Variants in ST8SIA2 observed in about 807,000 individuals in gnomAD.
ST8SIA2 encodes the protein ST8 alpha-N-acetyl-neuraminide alpha-2,8-sialyltransferase 2.
A neutral mutation model predicts 37.6 loss-of-function variants in ST8SIA2; 22 were observed. That is an observed-to-expected ratio of 0.58 (90% confidence interval 0.42 to 0.83). The LOEUF (loss-of-function observed/expected upper bound fraction) is 0.83, where lower values mean the gene tolerates loss of function less well. ST8SIA2 is among the 40% of genes least tolerant of loss of function. ST8SIA2 has a pLI of 0.00. For missense variants in ST8SIA2, 382 were observed against 484.7 expected, an observed-to-expected ratio of 0.79 and a Z score of 1.99; for synonymous variants, 205 against 201.2, an observed-to-expected ratio of 1.02 and a Z score of -0.16.
At chr15:92,405,384 T>G (rs1282078545) in intron 1 of ST8SIA2, among the ~76,000 whole-genome samples, 3 of 152,082 alleles carry the variant, frequency 2.0e-5, no homozygotes, top group African/African-American at 7.2e-5. Context: ...ATGAAAAGAG[T>G]TCAGCAGACG....
intron 1 of ST8SIA2, among the ~76,000 whole-genome samples, chr15:92,409,535 T>C (rs1177011133): frequency 6.6e-6 from 1 of 152,190 alleles, no homozygotes; most frequent in Non-Finnish European, 1.5e-5. Flanking sequence ...CTTTTTTCAT[T>C]TTCCGCTCGA....
intron 5 of ST8SIA2, among the ~76,000 whole-genome samples, chr15:92,457,429 G>T (rs1260682742): frequency 6.6e-6 from 1 of 152,166 alleles, no homozygotes; most frequent in Non-Finnish European, 1.5e-5. Context: ...TAATTGTCAT[G>T]GCATTTGGGG....
chr15:92,405,527 C>T lies in ST8SIA2; in HGVS notation c.98+11365C>T, dbSNP rs202232403. ...TTGAAACACACACGCGCGCAAGCAG[C>T]CAGAAGAGTGCCTGGCAGGTGCTCG... On this transcript the variant is annotated intron_variant, in intron 1 of 5. Coordinates refer to ENST00000268164, the MANE Select transcript of ST8SIA2 (RefSeq NM_006011.4). 3.3e-5 allele frequency among the ~76,000 whole-genome samples: 5 copies of T among 152,240 alleles called. No homozygotes were observed. The East Asian group carries it at 9.6e-4, about 29-fold the overall frequency.
intron 5 of ST8SIA2, among the ~76,000 whole-genome samples, chr15:92,450,567 G>A (rs369069407): frequency 5.9e-5 from 9 of 152,272 alleles, no homozygotes; most frequent in African/African-American, 1.7e-4. Context: ...AGAGTGAGGC[G>A]TCTCACATGG....
At chr15:92,432,201 C>T (rs1291511107) in intron 2 of ST8SIA2, among the ~76,000 whole-genome samples, 1 of 152,148 alleles carries the variant, frequency 6.6e-6, no homozygotes, top group East Asian at 1.9e-4. Flanking sequence ...CCTCTTAGTG[C>T]GATAACTCCT....
At chr15:92,458,209 A>T (rs1046519318) in intron 5 of ST8SIA2, among the ~76,000 whole-genome samples, 6 of 152,304 alleles carry the variant, frequency 3.9e-5, no homozygotes, top group African/African-American at 1.4e-4. Flanking sequence ...CCAATCAGGG[A>T]TTCGGGGATC....
chr15:92,398,753 G>T (rs1252012059), intron 1 of ST8SIA2, among the ~76,000 whole-genome samples: 1 of 152,232 alleles, frequency 6.6e-6, no homozygotes, highest in Non-Finnish European at 1.5e-5. Context: ...CAGCTCTGTG[G>T]AAGGCCGAAA....
intron 5 of ST8SIA2, among the ~76,000 whole-genome samples, chr15:92,451,958 G>A (rs1231194729): frequency 6.6e-6 from 1 of 152,158 alleles, no homozygotes; most frequent in Admixed American, 6.5e-5. Flanking sequence ...ATGGGTTTGA[G>A]TTTATGAAAA....
At chr15:92,443,039 C>G (rs748064606) in intron 4 of ST8SIA2, among the ~76,000 whole-genome samples, 2 of 151,974 alleles carry the variant, frequency 1.3e-5, no homozygotes, top group Admixed American at 6.5e-5. Context: ...TGGCACACAC[C>G]AGGGGCTCAA....
intron 1 of ST8SIA2, among the ~76,000 whole-genome samples, chr15:92,405,697 T>A (rs1465408608): frequency 6.6e-6 from 1 of 152,200 alleles, no homozygotes; most frequent in African/African-American, 2.4e-5. Flanking sequence ...GGTGTGGCTA[T>A]AGACACAGAA....
intron 5 of ST8SIA2, among the ~76,000 whole-genome samples, chr15:92,449,322 A>G (rs1413107656): frequency 6.6e-6 from 1 of 152,184 alleles, no homozygotes; most frequent in Admixed American, 6.5e-5. Context: ...AGGGACAGTT[A>G]CTTGTGAATG....
Position 92,444,834 on chromosome 15 carries a change from G to A in ST8SIA2, c.747G>A (p.Lys249=). 1 of 1,614,058 alleles carries A rather than the reference G, an allele frequency of 6.2e-7. No individual in the cohort carries two copies. The highest frequency in any genetic ancestry group is 1.1e-5 in the South Asian group (1 of 91,090). The change falls in exon 5 of 6, where the codon AAG becomes AAA. Residue 249 remains lysine (K), a synonymous_variant. Coordinates refer to ENST00000268164, the MANE Select transcript of ST8SIA2 (RefSeq NM_006011.4). ...WIPAFMARGG[K]ERVEWVNELI... is the part of the protein sequence containing the mutation. The stretch of plus-strand genomic sequence containing the variant: ...CTGCCTTCATGGCCCGGGGCGGCAA[G>A]GAGCGTGTTGAGTGGGTCAACGAGC...
At chr15:92,437,884 C>T (rs1330096499) in intron 3 of ST8SIA2, among the ~76,000 whole-genome samples, 4 of 152,142 alleles carry the variant, frequency 2.6e-5, no homozygotes, top group Non-Finnish European at 4.4e-5. Context: ...TTTTCATCCC[C>T]GTCAGAGGAT....
Position 92,394,074 on chromosome 15 carries a change from C to T in ST8SIA2, c.10C>T (p.Gln4Ter). 6.4e-7 allele frequency: 1 copy of T among 1,552,886 alleles called. No individual in the cohort carries two copies. The highest frequency in any genetic ancestry group is 1.2e-5 in the South Asian group (1 of 84,188). ...CGGGCGCGAACCCACCATGCAGCTGCAGTTCCGGAGCTGGATGCTGGCCGC... is the reference window on the plus strand; with the variant it reads ...CGGGCGCGAACCCACCATGCAGCTGTAGTTCCGGAGCTGGATGCTGGCCGC... The part of the protein sequence containing the change: MQL[Q>*]FRSWMLAALT... Residue 4 changes from glutamine (Q) to a stop codon, truncating the protein, a stop_gained, in exon 1 of 6, where the codon CAG becomes TAG. Transcript: ENST00000268164. LOFTEE classifies it high-confidence loss of function.
At chr15:92,417,271 T>C (rs1000647180) in intron 1 of ST8SIA2, among the ~76,000 whole-genome samples, 1 of 152,192 alleles carries the variant, frequency 6.6e-6, no homozygotes, top group East Asian at 1.9e-4. Context: ...TCCTGAGTGG[T>C]AACCACCATG....
Position 92,428,309 on chromosome 15 carries a change from G to A in ST8SIA2, c.99-1740G>A, listed in dbSNP as rs376363457. Among the ~76,000 whole-genome samples the A allele has an allele frequency of 2.0e-5, 3 of 152,296 alleles. No homozygotes were observed. The East Asian group carries it at 5.8e-4, about 29-fold the overall frequency. The stretch of plus-strand genomic sequence containing the variant: ...AGGGATCTGAAAATTACTAAAGTTT[G>A]GGAAACATTTGTTAAATCCGTGATG... On this transcript the variant is annotated intron_variant, in intron 1 of 5. Transcript: ENST00000268164.
chr15:92,418,157 A>T (rs1388336333), intron 1 of ST8SIA2, among the ~76,000 whole-genome samples: 1 of 152,108 alleles, frequency 6.6e-6, no homozygotes, highest in Non-Finnish European at 1.5e-5. Context: ...AGTCAGAAAT[A>T]AGAAAGTTAC....
At chr15:92,424,096 G>A (rs1367583755) in intron 1 of ST8SIA2, among the ~76,000 whole-genome samples, 1 of 152,174 alleles carries the variant, frequency 6.6e-6, no homozygotes, top group African/African-American at 2.4e-5. Flanking sequence ...TGTGAAGGAA[G>A]AACCATCTGC....
intron 5 of ST8SIA2, among the ~76,000 whole-genome samples, chr15:92,459,130 C>T (rs915266028): frequency 3.3e-5 from 5 of 152,220 alleles, no homozygotes; most frequent in African/African-American, 9.6e-5. Flanking sequence ...CTCTCTCCCC[C>T]TTTCTGGTCA....
Sources: allele counts gnomAD v4.1 joint callset (sites outside exome capture counted in the v4.1 genomes callset), GRCh38; gene constraint gnomAD v4.1.1; transcripts MANE v1.5; gene names NCBI Gene and HGNC (gene_info 2026-07-23, HGNC 2026-07-21).